Variants in CARS2 observed in about 807,000 individuals in gnomAD.
CARS2 encodes the protein probable cysteine--tRNA ligase, mitochondrial.
In CARS2, 52 loss-of-function variants were observed where a neutral mutation model predicts 68.8. The observed-to-expected ratio is 0.76, with a 90% CI of 0.61 to 0.95. The LOEUF (loss-of-function observed/expected upper bound fraction) is 0.95, where lower values mean the gene tolerates loss of function less well. Among genes scored for constraint, CARS2 ranks in the 40% least tolerant of loss-of-function variants. CARS2 has a pLI of 0.00. For missense variants in CARS2, 780 were observed against 754.2 expected (o/e 1.03, Z -0.40); for synonymous variants, 314 against 303.6 (o/e 1.03, Z -0.36).
chr13:110,693,191 T>C (rs2063525123), intron 3 of CARS2, among the ~76,000 whole-genome samples: 1 of 151,426 alleles, frequency 6.6e-6, no homozygotes, highest in Non-Finnish European at 1.5e-5. Context: ...ACACACACTT[T>C]AAAGGCTCAT....
At chr13:110,694,032 T>C (rs1412979040) in intron 3 of CARS2, among the ~76,000 whole-genome samples, 2 of 152,002 alleles carry the variant, frequency 1.3e-5, no homozygotes, top group Non-Finnish European at 2.9e-5. Context: ...TTTTGTTTTG[T>C]TTTTTATTTT....
rs59276783 is a variant in CARS2, at chr13:110,649,931, CTTTTTT to C, written c.1054+1097_1054+1102del. On this transcript the variant is annotated intron_variant, in intron 10 of 14. Transcript: ENST00000257347. Reference sequence around the variant, plus strand: ...CCAGGGATGCAGCTCTGGATAACGACTTTTTTTTTTTTTTTTTTTTTTTTGAGACAG... The same window carrying C: ...CCAGGGATGCAGCTCTGGATAACGACTTTTTTTTTTTTTTTTTTGAGACAG... Among the ~76,000 whole-genome samples, 8 of 73,138 alleles carry C rather than the reference CTTTTTT, an allele frequency of 1.1e-4. No individual in the cohort carries two copies. In the East Asian group the frequency reaches 1.3e-3, roughly 12 times the overall value. 48.0% of individuals were successfully genotyped at this position (73,138 alleles called of 152,430 possible). A position where few individuals can be genotyped will look rare whatever the true frequency, so the allele number is the denominator to read the frequency against.
At chr13:110,642,871 T>C (rs1293595513) in intron 13 of CARS2, 1 of 523,332 alleles carries the variant, frequency 1.9e-6, no homozygotes, top group Non-Finnish European at 3.6e-6. Flanking sequence ...AGGAGCAACC[T>C]GAGGATGAGG....
chr13:110,692,828 T>G (rs979229705), intron 3 of CARS2, among the ~76,000 whole-genome samples: 15 of 151,496 alleles, frequency 9.9e-5, no homozygotes, highest in African/African-American at 3.6e-4. Flanking sequence ...AAGGAATTAA[T>G]TGGCTGGGCG....
intron 6 of CARS2, among the ~76,000 whole-genome samples, chr13:110,682,725 G>A (rs775698539): frequency 6.6e-6 from 1 of 152,134 alleles, no homozygotes; most frequent in Admixed American, 6.5e-5. Flanking sequence ...AGAAGAACGC[G>A]AAAATATGAT....
chr13:110,673,954 T>C (rs1379413425), intron 7 of CARS2, among the ~76,000 whole-genome samples: 1 of 152,184 alleles, frequency 6.6e-6, no homozygotes, highest in Non-Finnish European at 1.5e-5. Flanking sequence ...TGAACTCCCA[T>C]TCACAATTGC....
chr13:110,666,072 A>G, intron 8 of CARS2: 1 of 985,290 alleles, frequency 1.0e-6, no homozygotes. Flanking sequence ...CTCCAAGAAC[A>G]CAATTCAGAA....
Position 110,705,076 on chromosome 13 carries a change from G to A in CARS2, c.275+445C>T, listed in dbSNP as rs1253942874. ...TACAGTGTTAAGCAGCATTTTATGG[G>A]CATTATTTACTAAAATTGTTATAAG... On this transcript the variant is annotated intron_variant, in intron 2 of 14. Transcript: ENST00000257347. This position sits in a 1 kb window ranked among gnomAD's most constrained non-coding sequence, Gnocchi z 4.0. Among the ~76,000 whole-genome samples, 1 of 152,100 alleles carries A rather than the reference G, an allele frequency of 6.6e-6. No individual in the cohort carries two copies. Among genetic ancestry groups the A allele is most frequent in the Admixed American group, 6.6e-5 (1 of 15,264 alleles).
In CARS2 at chr13:110,712,248, G is replaced by C. The variant is rs910744636; in HGVS notation, n.399+889C>G. On this transcript the variant is annotated intron_variant and non_coding_transcript_variant, in intron 1 of 2. Coordinates refer to the CARS2 transcript ENST00000485188. ...ACCACCAACCCGGCTCTCCGGAAAA[G>C]AGAAAGTCCAGTGAGAAAGGTGAAA... is the stretch of plus-strand genomic sequence containing the variant. The C allele has an allele frequency of 9.8e-5, 15 of 153,410 alleles. 1 individual carries two copies. The highest frequency in any genetic ancestry group is 9.2e-4 in the Admixed American group (14 of 15,298). The allele number at this position is 153,410 out of a possible 1,614,324, so 9.5% of individuals were successfully genotyped here. A position where few individuals can be genotyped will look rare whatever the true frequency, so the allele number is the denominator to read the frequency against.
chr13:110,643,947 G>A, intron 13 of CARS2: 1 of 363,190 alleles, frequency 2.8e-6, no homozygotes, highest in South Asian at 2.2e-5. Context: ...CGCTGGGAAG[G>A]TGCAGGTGAC....
upstream of CARS2, among the ~76,000 whole-genome samples, chr13:110,711,061 A>G (rs1037370142): frequency 6.6e-6 from 1 of 152,214 alleles, no homozygotes; most frequent in Non-Finnish European, 1.5e-5. Flanking sequence ...AATGCTAGGA[A>G]TAGAAGAACC....
intron 13 of CARS2, chr13:110,642,727 C>T (rs372735781): frequency 1.1e-5 from 8 of 756,714 alleles, no homozygotes; most frequent in African/African-American, 6.8e-5. Flanking sequence ...CAACTCTGAG[C>T]ATCTGTCGTC....
chr13:110,663,939 C>A, intron 8 of CARS2: 4 of 994,524 alleles, frequency 4.0e-6, no homozygotes, highest in Non-Finnish European at 4.8e-6. Flanking sequence ...GCTTGTTGAC[C>A]GTTGTCCAAA....
intron 12 of CARS2, chr13:110,644,847 A>C (rs1486453316): frequency 4.4e-6 from 1 of 229,176 alleles, no homozygotes; most frequent in Non-Finnish European, 8.9e-6. Context: ...TACGTGGCTC[A>C]CATCAGTTAC....
In CARS2 at chr13:110,676,449, C is replaced by T. The variant is rs1456687250; in HGVS notation, c.785+525G>A. Reference sequence around the variant, plus strand: ...ACTGAGTGGGGGCGGCAGGCAGCTGCGGTCCCAGGCAGACAGTGGGAAGAG... The same window carrying T: ...ACTGAGTGGGGGCGGCAGGCAGCTGTGGTCCCAGGCAGACAGTGGGAAGAG... On this transcript the variant is annotated intron_variant, in intron 7 of 14. Coordinates refer to ENST00000257347, the MANE Select transcript of CARS2 (RefSeq NM_024537.4). This position sits in a 1 kb window ranked among gnomAD's most constrained non-coding sequence, Gnocchi z 4.0. Among the ~76,000 whole-genome samples, 1 of 152,070 alleles carries T rather than the reference C, an allele frequency of 6.6e-6. No individual in the cohort carries two copies. Among genetic ancestry groups the T allele is most frequent in the African/African-American group, 2.4e-5 (1 of 41,410 alleles).
At position 110,668,654 on chromosome 13, in the gene CARS2, G is replaced by T. The variant is rs2062718445; in HGVS notation, c.786-1181C>A. 6.6e-6 allele frequency among the ~76,000 whole-genome samples: 1 copy of T among 152,172 alleles called. No individual in the cohort carries two copies. Among genetic ancestry groups the T allele is most frequent in the Admixed American group, 6.5e-5 (1 of 15,278 alleles). On this transcript the variant is annotated intron_variant, in intron 7 of 14. Coordinates refer to ENST00000257347, the MANE Select transcript of CARS2 (RefSeq NM_024537.4). This position sits in a 1 kb window ranked among gnomAD's most constrained non-coding sequence, Gnocchi z 4.1. ...ACTGTGGGACCAGGAGTGGGGAGGGGATGGGAGGGGCCTCATTTGTATTTG... is the reference window on the plus strand; with the variant it reads ...ACTGTGGGACCAGGAGTGGGGAGGGTATGGGAGGGGCCTCATTTGTATTTG...
At chr13:110,679,371 A>G (rs930134808) in intron 6 of CARS2, among the ~76,000 whole-genome samples, 4 of 151,608 alleles carry the variant, frequency 2.6e-5, no homozygotes, top group Non-Finnish European at 5.9e-5. Flanking sequence ...CTCTACTAAA[A>G]ATACAAAAAT....
chr13:110,642,239 GGC>G, intron 14 of CARS2, 74 bp downstream of exon 14: 1 of 1,131,562 alleles, frequency 8.8e-7, no homozygotes, highest in African/African-American at 1.5e-5. Flanking sequence ...GGGATGTCTG[GGC>G]CTCTGATGGC....
At chr13:110,713,153 C>T (rs975817562) in exon 1 of CARS2, 2 of 1,430,488 alleles carry the variant, frequency 1.4e-6, no homozygotes, top group East Asian at 2.5e-5. Flanking sequence ...CCCGCCTCCT[C>T]TTCATCGTGA....
Sources: allele counts gnomAD v4.1 joint callset (sites outside exome capture counted in the v4.1 genomes callset), GRCh38; gene constraint gnomAD v4.1.1; non-coding constraint Gnocchi (gnomAD v3.1); transcripts MANE v1.5; gene names NCBI Gene and HGNC (gene_info 2026-07-23, HGNC 2026-07-21).